The following ANK3 variants were observed in gnomAD, a reference collection of about 807,000 sequenced individuals.
ANK3 encodes ankyrin 3.
ANK3 carries 57 observed loss-of-function variants against 370.9 expected under a neutral mutation model. The ratio of observed to expected loss-of-function variants is 0.15; its 90% CI spans 0.12 to 0.19. The LOEUF is 0.19. Ranked by LOEUF, ANK3 falls within the 10% of genes least tolerant of loss-of-function variation. The pLI, the probability that ANK3 is intolerant of heterozygous loss-of-function variation, is 1.00. For synonymous variants in ANK3, 1,929 were observed against 1,946.3 expected (o/e 0.99, Z 0.23); for missense variants, 4,439 against 5,302.1 (o/e 0.84, Z 5.06).
rs2082769634 is a variant in ANK3, at chr10:60,071,919, G to A, written c.8962C>T (p.His2988Tyr). The A allele has an allele frequency of 6.2e-7, 1 of 1,613,912 alleles. No individual in the cohort carries two copies. Among genetic ancestry groups the A allele is most frequent in the African/African-American group, 1.3e-5 (1 of 74,898 alleles). The part of the protein sequence containing the change: ...GFCEQSAFPK[H>Y]ELSQKLSQSS... Reference sequence around the variant, plus strand: ...TGGGACAATTTTTGTGATAGTTCATGTTTTGGAAATGCCGACTGTTCACAA... The same window carrying A: ...TGGGACAATTTTTGTGATAGTTCATATTTTGGAAATGCCGACTGTTCACAA... Residue 2988 changes from histidine (H) to tyrosine (Y), a missense_variant, in exon 37 of 44, where the codon CAT becomes TAT. Transcript: ENST00000280772.
intron 1 of ANK3, among the ~76,000 whole-genome samples, chr10:60,643,183 T>C (rs1348614949): frequency 2.0e-5 from 3 of 152,130 alleles, no homozygotes; most frequent in Middle Eastern, 3.2e-3. Context: ...CCTGGGTGTG[T>C]CTGTGAGGGT....
chr10:60,626,087 G>A lies in ANK3; in HGVS notation c.58-10863C>T, dbSNP rs947753858. Among the ~76,000 whole-genome samples, 5 of 152,066 alleles carry A rather than the reference G, an allele frequency of 3.3e-5. No homozygotes were observed. In the South Asian group the frequency reaches 8.3e-4, roughly 25 times the overall value. ...CTTTGGGAGACTGATGAATCCTCTG[G>A]AGCCCTTCTCAGAATAGTGTTTTTA... On this transcript the variant is annotated intron_variant, in intron 1 of 43. Transcript: ENST00000373827.
In ANK3 at chr10:60,028,729, C is replaced by G. The variant is rs897406896; in HGVS notation, c.*1117G>C. ...TACTAGCTAAGGATTTCTGTTCAGT[C>G]CTTTTTAAATACCCCCGACTGGGGC... On this transcript the variant is annotated 3_prime_UTR_variant, in exon 44 of 44. Transcript: ENST00000280772. 2.0e-5 allele frequency: 3 copies of G among 152,606 alleles called. No individual in the cohort carries two copies. The highest frequency in any genetic ancestry group is 4.4e-5 in the Non-Finnish European group (3 of 68,044). The allele number at this position is 152,606 out of a possible 1,614,324, so 9.5% of individuals were successfully genotyped here. A position where few individuals can be genotyped will look rare whatever the true frequency, so the allele number is the denominator to read the frequency against.
At chr10:60,193,032 T>TA (rs898804589) in intron 16 of ANK3, among the ~76,000 whole-genome samples, 10 of 152,114 alleles carry the variant, frequency 6.6e-5, no homozygotes, top group Admixed American at 3.3e-4. Flanking sequence ...TGCTTAAGAT[T>TA]AAAGTCTAGA....
intron 1 of ANK3, among the ~76,000 whole-genome samples, chr10:60,698,003 C>T (rs2079487189): frequency 6.6e-6 from 1 of 152,118 alleles, no homozygotes; most frequent in African/African-American, 2.4e-5. Flanking sequence ...ACAACCTACT[C>T]ATCTGACAAA....
chr10:60,161,339 C>T (rs1427814061), intron 23 of ANK3, among the ~76,000 whole-genome samples: 1 of 151,958 alleles, frequency 6.6e-6, no homozygotes, highest in Non-Finnish European at 1.5e-5. Context: ...CCTCAAAAAA[C>T]TAAGAATAGA....
chr10:60,196,417 TG>T, intron 15 of ANK3, 109 bp downstream of exon 15: 1 of 928,020 alleles, frequency 1.1e-6, no homozygotes. Flanking sequence ...TTCATCCTAG[TG>T]GGACTTAAAT....
intron 2 of ANK3, among the ~76,000 whole-genome samples, chr10:60,481,790 T>C (rs12356634): frequency 6.6e-6 from 1 of 151,960 alleles, no homozygotes; most frequent in African/African-American, 2.4e-5. Flanking sequence ...AAATTCCTAT[T>C]AAACTGGAGA....
At chr10:60,442,577 G>T (rs1265717066) in intron 2 of ANK3, among the ~76,000 whole-genome samples, 1 of 152,112 alleles carries the variant, frequency 6.6e-6, no homozygotes, top group Non-Finnish European at 1.5e-5. Context: ...CTGCAGATAT[G>T]TAACCTATGG....
At chr10:60,172,539 AC>A in intron 20 of ANK3, 136 bp from the exon 21 acceptor site, 1 of 721,828 alleles carries the variant, frequency 1.4e-6, no homozygotes, top group Non-Finnish European at 2.4e-6. Context: ...TTAGAGACAT[AC>A]CTTGCACAAA....
chr10:60,272,474 G>C (rs1373158475), intron 4 of ANK3, among the ~76,000 whole-genome samples: 4 of 66,498 alleles, frequency 6.0e-5, no homozygotes, highest in Non-Finnish European at 1.4e-4. Context: ...TGTTGTTGTT[G>C]TTCTTGTTTG....
intron 1 of ANK3, among the ~76,000 whole-genome samples, chr10:60,636,846 T>TA (rs905780776): frequency 5.1e-4 from 77 of 152,196 alleles, no homozygotes; most frequent in African/African-American, 1.7e-3. Flanking sequence ...GGAACATTTG[T>TA]AAGAAGTAAG....
Position 60,709,827 on chromosome 10 carries a change from C to CAA in ANK3, c.57+23434_57+23435dup, listed in dbSNP as rs370504421. On this transcript the variant is annotated intron_variant, in intron 1 of 43. Coordinates refer to the ANK3 transcript ENST00000373827. The stretch of plus-strand genomic sequence containing the variant: ...TCACTGACAGAGTGAGACCCCATCT[C>CAA]AAAAAAAAAAAAAAGAAAAGAAAAA... Among the ~76,000 whole-genome samples, 307 of 71,484 alleles carry CAA rather than the reference C, an allele frequency of 4.3e-3. 2 individuals carry two copies. The highest frequency in any genetic ancestry group is 0.016 in the African/African-American group (284 of 18,120). The allele number at this position is 71,484 out of a possible 152,430, so 46.9% of individuals were successfully genotyped here.
chr10:60,412,625 G>A lies in ANK3; in HGVS notation c.97-132986C>T, dbSNP rs74882838. On this transcript the variant is annotated intron_variant, in intron 2 of 43. Transcript: ENST00000373827. The stretch of plus-strand genomic sequence containing the variant: ...ACACCCTAACTAATATGCTGTGTGA[G>A]TGTTAAAAAATCTCACTGTCAATTA... Among the ~76,000 whole-genome samples, 1,337 of 152,268 alleles carry A rather than the reference G, an allele frequency of 8.8e-3. 20 individuals carry two copies. Among genetic ancestry groups the A allele is most frequent in the African/African-American group, 0.028 (1,176 of 41,544 alleles).
chr10:60,043,876 T>C (rs2076522998), intron 42 of ANK3: 16 of 908,930 alleles, frequency 1.8e-5, no homozygotes, highest in African/African-American at 2.2e-5. Context: ...CTGAAGACAG[T>C]TAAAAAAAAA....
chr10:60,513,075 A>T (rs1373114745), intron 2 of ANK3, among the ~76,000 whole-genome samples: 2 of 152,182 alleles, frequency 1.3e-5, no homozygotes, highest in Non-Finnish European at 2.9e-5. Flanking sequence ...TTGTTTCAAG[A>T]GGTTCATACC....
chr10:60,511,710 G>A (rs1373013883), intron 2 of ANK3, among the ~76,000 whole-genome samples: 2 of 151,682 alleles, frequency 1.3e-5, no homozygotes, highest in African/African-American at 4.8e-5. Flanking sequence ...GAAAGGATAA[G>A]CTCAGTTCCA....
chr10:60,607,655 A>G (rs970256711), intron 2 of ANK3, among the ~76,000 whole-genome samples: 6 of 152,236 alleles, frequency 3.9e-5, no homozygotes, highest in African/African-American at 1.4e-4. Flanking sequence ...ACATGCTTCA[A>G]ATTATAGCTA....
intron 1 of ANK3, among the ~76,000 whole-genome samples, chr10:60,344,653 T>C (rs2055007567): frequency 6.1e-5 from 1 of 16,432 alleles, no homozygotes; most frequent in Non-Finnish European, 2.9e-4. Context: ...TTCAAAACTC[T>C]TAAAAAATGT....
Sources: allele counts gnomAD v4.1 joint callset (sites outside exome capture counted in the v4.1 genomes callset), GRCh38; gene constraint gnomAD v4.1.1; transcripts MANE v1.5; gene names NCBI Gene and HGNC (gene_info 2026-07-23, HGNC 2026-07-21).